Variants in ANP32A observed in about 807,000 individuals in gnomAD.
The protein encoded by ANP32A is acidic leucine-rich nuclear phosphoprotein 32 family member A.
Under a neutral mutation model 33.9 loss-of-function variants are expected in ANP32A, and 1 was observed. That is an observed-to-expected ratio of 0.03 (90% CI 0.01 to 0.14). ANP32A has a LOEUF of 0.14. Ranked by LOEUF, ANP32A falls within the 10% of genes least tolerant of loss-of-function variation. The pLI is 1.00. For synonymous variants in ANP32A, 115 were observed against 120.5 expected, an observed-to-expected ratio of 0.95 and a Z score of 0.30; for missense variants, 155 against 306.0, an observed-to-expected ratio of 0.51 and a Z score of 3.68.
intron 1 of ANP32A, among the ~76,000 whole-genome samples, chr15:68,806,119 C>T (rs1894218810): frequency 6.6e-6 from 1 of 152,216 alleles, no homozygotes; most frequent in Admixed American, 6.5e-5. Flanking sequence ...GAAACCACCC[C>T]CATAACTCTG....
intron 1 of ANP32A, among the ~76,000 whole-genome samples, chr15:68,803,976 A>G (rs1894176892): frequency 6.6e-6 from 1 of 151,496 alleles, no homozygotes; most frequent in Admixed American, 6.6e-5. Flanking sequence ...TAATTTTTGT[A>G]TTTTTAGTAG....
chr15:68,814,115 C>T (rs987099748), intron 1 of ANP32A, among the ~76,000 whole-genome samples: 3 of 152,058 alleles, frequency 2.0e-5, no homozygotes, highest in Non-Finnish European at 2.9e-5. Flanking sequence ...GTGATCCACC[C>T]GCCTCGGCCT....
intron 1 of ANP32A, among the ~76,000 whole-genome samples, chr15:68,807,427 C>CTG (rs1555424018): frequency 1.7e-5 from 2 of 115,494 alleles, no homozygotes; most frequent in Non-Finnish European, 3.6e-5. Context: ...CCACAGAAAA[C>CTG]GGGGGGGGGG....
In ANP32A at chr15:68,783,065, A is replaced by G. The variant is rs1303828856; in HGVS notation, c.527-12T>C. 1.3e-6 allele frequency: 2 copies of G among 1,551,750 alleles called. No individual in the cohort carries two copies. The highest frequency in any genetic ancestry group is 1.7e-6 in the Non-Finnish European group (2 of 1,146,982). ...ATCATACTCCTCCTCTGTGCAATCG[A>G]AATGGGGAACGGAAACAGAACTAGT... is the stretch of plus-strand genomic sequence containing the variant. On this transcript the variant is annotated splice_polypyrimidine_tract_variant and intron_variant, in intron 4 of 6. Transcript: ENST00000465139.
chr15:68,818,338 G>T, intron 1 of ANP32A: 1 of 197,658 alleles, frequency 5.1e-6, no homozygotes, highest in Non-Finnish European at 1.1e-5. Context: ...GGGGGGCCCA[G>T]GGGCAGCGCG....
At chr15:68,809,136 T>C (rs1439028508) in intron 1 of ANP32A, among the ~76,000 whole-genome samples, 1 of 152,158 alleles carries the variant, frequency 6.6e-6, no homozygotes, top group Non-Finnish European at 1.5e-5. Flanking sequence ...GGAGGGGACT[T>C]TGGTGGATCT....
intron 1 of ANP32A, among the ~76,000 whole-genome samples, chr15:68,811,570 C>T (rs572979372): frequency 1.4e-4 from 22 of 152,220 alleles, no homozygotes; most frequent in Middle Eastern, 6.8e-3. Context: ...AGAAGAGGGA[C>T]GAGTCACTTA....
At chr15:68,795,200 C>T (rs777569593) in intron 1 of ANP32A, among the ~76,000 whole-genome samples, 13 of 152,172 alleles carry the variant, frequency 8.5e-5, no homozygotes, top group Admixed American at 5.9e-4. Flanking sequence ...CAGTAGTAGA[C>T]CCAGATCTCC....
At chr15:68,794,032 A>T (rs1168585253) in intron 1 of ANP32A, among the ~76,000 whole-genome samples, 1 of 152,120 alleles carries the variant, frequency 6.6e-6, no homozygotes, top group Non-Finnish European at 1.5e-5. Flanking sequence ...CTCAAGTTCA[A>T]TTTTTCTTCT....
At position 68,787,619 on chromosome 15, in the gene ANP32A, G is replaced by A. The variant is rs113147057; in HGVS notation, c.205-84C>T. On this transcript the variant is annotated intron_variant, in intron 2 of 6. Transcript: ENST00000465139. ...CAGAGCTGCCCGGCTTTCCCCAGAC[G>A]GGCAAGAAGGGAAAGCAGTCTCAGG... 2,836 of 1,603,442 alleles carry A rather than the reference G, an allele frequency of 1.8e-3. 56 individuals carry two copies. In the African/African-American group the frequency reaches 0.033, roughly 19 times the overall value.
At chr15:68,815,262 C>T (rs1894364760) in intron 1 of ANP32A, among the ~76,000 whole-genome samples, 1 of 152,204 alleles carries the variant, frequency 6.6e-6, no homozygotes, top group Admixed American at 6.5e-5. Flanking sequence ...ACCTTTTCAG[C>T]AAACCTCTTC....
intron 1 of ANP32A, chr15:68,790,280 GGAGAGGAGGGCCTCA>G (rs1893983337): frequency 6.6e-6 from 1 of 152,298 alleles, no homozygotes; most frequent in African/African-American, 2.4e-5. Context: ...CGTTGGCCGA[GGAGAGGAGGGCCTCA>G]GAGAGCAGTG....
At chr15:68,786,465 G>A (rs984260354) in intron 3 of ANP32A, among the ~76,000 whole-genome samples, 4 of 151,950 alleles carry the variant, frequency 2.6e-5, no homozygotes, top group African/African-American at 2.4e-5. Flanking sequence ...TCACCATGTT[G>A]GCCAGGCTGG....
chr15:68,782,768 G>C, intron 5 of ANP32A, 188 bp downstream of exon 5: 1 of 1,076,798 alleles, frequency 9.3e-7, no homozygotes, highest in South Asian at 1.7e-5. Flanking sequence ...CCTCCCCAGA[G>C]CTTACTGCAA....
chr15:68,818,548 G>C (rs1288183115), intron 1 of ANP32A, among the ~76,000 whole-genome samples: 1 of 152,034 alleles, frequency 6.6e-6, no homozygotes, highest in African/African-American at 2.4e-5. Flanking sequence ...CGTGTGGGCC[G>C]CGAGGCTGGG....
rs567882690 is a variant in ANP32A, at chr15:68,787,145, CAGG to C, written c.327+265_327+267del. On this transcript the variant is annotated intron_variant, in intron 3 of 6. Transcript: ENST00000465139. ...GCTGAGCAGAAACTGAGTGGAAAAG[CAGG>C]AGACCAGAAATTGAAACTAGGGTTC... The C allele has an allele frequency of 8.2e-3, 3,342 of 407,340 alleles. 21 individuals carry two copies. Among genetic ancestry groups the C allele is most frequent in the Non-Finnish European group, 0.012 (2,743 of 222,244 alleles). The allele number at this position is 407,340 out of a possible 1,614,324, so 25.2% of individuals were successfully genotyped here. A position where few individuals can be genotyped will look rare whatever the true frequency, so the allele number is the denominator to read the frequency against.
At chr15:68,784,363 C>A (rs775740818) in intron 4 of ANP32A, 34 bp downstream of exon 4, 2 of 1,606,190 alleles carry the variant, frequency 1.2e-6, no homozygotes, top group Non-Finnish European at 1.7e-6. Context: ...CTCAGCTGGG[C>A]CCCTGCAGCC....
chr15:68,807,840 G>A (rs912553296), intron 1 of ANP32A, among the ~76,000 whole-genome samples: 5 of 152,138 alleles, frequency 3.3e-5, no homozygotes, highest in African/African-American at 1.2e-4. Flanking sequence ...CTGCGCCTGG[G>A]CCCCCGCCCT....
rs1893856141 is a variant in ANP32A at position 68,780,621 on chromosome 15, A to T, written c.625-148T>A. On this transcript the variant is annotated intron_variant, in intron 5 of 6. Coordinates refer to ENST00000465139, the MANE Select transcript of ANP32A (RefSeq NM_006305.4). The surrounding 1 kb of genome is among the most constrained non-coding windows in gnomAD (Gnocchi z 4.3). ...TGACATCTCGGGAGGAATGTAAAGC[A>T]GAGGTTCTTAATTTATTTCAGATCA... 3 of 1,344,214 alleles carry T rather than the reference A, an allele frequency of 2.2e-6. No individual in the cohort carries two copies. Among genetic ancestry groups the T allele is most frequent in the Non-Finnish European group, 9.8e-7 (1 of 1,015,972 alleles). 83.3% of individuals were successfully genotyped at this position (1,344,214 alleles called of 1,614,324 possible). A position where few individuals can be genotyped will look rare whatever the true frequency, so the allele number is the denominator to read the frequency against.
Sources: gnomAD v4.1 joint callset for allele counts (sites outside exome capture counted in the v4.1 genomes callset) on GRCh38, gnomAD v4.1.1 for gene constraint, Gnocchi (gnomAD v3.1) non-coding constraint, MANE v1.5 for transcripts, NCBI Gene and HGNC (gene_info 2026-07-23, HGNC 2026-07-21) for gene names.